The following ACTR2 variants were observed in gnomAD, a reference collection of about 807,000 sequenced individuals.
ACTR2 encodes the protein actin-related protein 2.
Under a neutral mutation model 50.2 loss-of-function variants are expected in ACTR2, and 5 were observed. That is an observed-to-expected ratio of 0.10 (90% CI 0.05 to 0.21). The LOEUF (loss-of-function observed/expected upper bound fraction) is 0.21, where lower values mean the gene tolerates loss of function less well. Among genes scored for constraint, ACTR2 ranks in the 10% least tolerant of loss-of-function variants. The probability of loss-of-function intolerance (pLI) is 1.00; values close to 1 mark genes in which losing one functional copy is unlikely to be tolerated. For synonymous variants in ACTR2, 140 were observed against 162.9 expected (o/e 0.86, Z 1.07); for missense variants, 180 against 480.6 (o/e 0.37, Z 5.85).
At chr2:65,263,029 T>C (rs76847043) in intron 7 of ACTR2, among the ~76,000 whole-genome samples, 7 of 151,084 alleles carry the variant, frequency 4.6e-5, no homozygotes, top group African/African-American at 1.7e-4. Flanking sequence ...AAACATATTT[T>C]TATATGTTTA....
chr2:65,234,606 G>T (rs913987772), intron 1 of ACTR2, among the ~76,000 whole-genome samples: 9 of 152,270 alleles, frequency 5.9e-5, no homozygotes, highest in African/African-American at 2.2e-4. Flanking sequence ...GTGATTATTT[G>T]CCACTTTGCC....
At chr2:65,247,529 A>G (rs566883459) in intron 3 of ACTR2, among the ~76,000 whole-genome samples, 8 of 152,296 alleles carry the variant, frequency 5.3e-5, no homozygotes, top group Admixed American at 6.5e-5. Context: ...CAGAGCTTGC[A>G]GTGAGTGGAG....
At position 65,265,052 on chromosome 2, in the gene ACTR2, C is replaced by G; in HGVS notation, c.891C>G (p.Phe297Leu). The G allele has an allele frequency of 6.2e-7, 1 of 1,614,170 alleles. No individual in the cohort carries two copies. Among genetic ancestry groups the G allele is most frequent in the Non-Finnish European group, 8.5e-7 (1 of 1,180,016 alleles). ...QAADIDTRSE[F>L]YKHIVLSGGS... ...CATTGTGCCTTTCTAGATCTGAATT[C>G]TACAAACACATTGTGCTTTCTGGAG... The change falls in exon 8 of 9, where the codon TTC (phenylalanine) becomes TTG (leucine). Residue 297 changes from phenylalanine (F) to leucine (L), a missense_variant. Phe to Leu is a conservative substitution (Grantham distance 22). Transcript: ENST00000260641.
chr2:65,246,243 C>A, intron 2 of ACTR2: 1 of 228,496 alleles, frequency 4.4e-6, no homozygotes, highest in Non-Finnish European at 8.5e-6. Flanking sequence ...CAAAACCCTC[C>A]AAAATATGAA....
chr2:65,267,087 AT>A (rs1237369227), intron 8 of ACTR2, among the ~76,000 whole-genome samples: 1 of 152,190 alleles, frequency 6.6e-6, no homozygotes, highest in African/African-American at 2.4e-5. Context: ...CAGTTGAGGT[AT>A]TTACAGAAGC....
chr2:65,261,060 T>G (rs1672260045), intron 6 of ACTR2, among the ~76,000 whole-genome samples, 187 bp from the exon 7 acceptor site: 1 of 151,952 alleles, frequency 6.6e-6, no homozygotes, highest in Non-Finnish European at 1.5e-5. Context: ...CAAAACAGAA[T>G]GTGATAAGAG....
chr2:65,245,234 T>C (rs1671913994), intron 2 of ACTR2, among the ~76,000 whole-genome samples: 1 of 152,090 alleles, frequency 6.6e-6, no homozygotes, highest in South Asian at 2.1e-4. Context: ...AAACATCTCA[T>C]GTTGGCCAGG....
chr2:65,234,238 CTG>C (rs1671697207), intron 1 of ACTR2, among the ~76,000 whole-genome samples: 1 of 152,110 alleles, frequency 6.6e-6, no homozygotes, highest in South Asian at 2.1e-4. Context: ...GTTATTATAA[CTG>C]TTAATGTTTT....
chr2:65,263,805 TGAGGCCGGTGAATCAC>T (rs67528260), intron 7 of ACTR2, among the ~76,000 whole-genome samples: 48,128 of 152,030 alleles, frequency 0.32, 8,295 homozygotes, highest in East Asian at 0.73. Flanking sequence ...TTTGGGAGGC[TGAGGCCGGTGAATCAC>T]GAGGCCGGCG....
chr2:65,232,515 A>G (rs1671659058), intron 1 of ACTR2, among the ~76,000 whole-genome samples: 1 of 152,244 alleles, frequency 6.6e-6, no homozygotes, highest in South Asian at 2.1e-4. Flanking sequence ...TAAGTAGAAT[A>G]AATATTTTGG....
At position 65,261,644 on chromosome 2, in the gene ACTR2, G is replaced by A. The variant is rs544788798; in HGVS notation, c.881+252G>A. On this transcript the variant is annotated intron_variant, in intron 7 of 8. Transcript: ENST00000260641. The stretch of plus-strand genomic sequence containing the variant: ...TTTTTCATTCTGTTTTTTCTGAACC[G>A]TTTGAGGGTAGATTAAATGCATCAG... Among the ~76,000 whole-genome samples the A allele has an allele frequency of 1.5e-4, 23 of 152,206 alleles. 1 individual carries two copies. In the South Asian group the frequency reaches 3.7e-3, roughly 25 times the overall value.
chr2:65,235,486 G>A (rs1468543928), intron 1 of ACTR2, among the ~76,000 whole-genome samples: 4 of 152,184 alleles, frequency 2.6e-5, no homozygotes, highest in African/African-American at 2.4e-5. Context: ...GCTGGGTGCC[G>A]TGGCTCACGC....
At chr2:65,244,233 C>G (rs577974993) in intron 2 of ACTR2, among the ~76,000 whole-genome samples, 3 of 152,192 alleles carry the variant, frequency 2.0e-5, no homozygotes, top group Admixed American at 6.5e-5. Context: ...CTGTTGAAAT[C>G]AGATCAGACT....
chr2:65,228,162 C>G (rs1481921765), intron 1 of ACTR2: 9 of 440,822 alleles, frequency 2.0e-5, no homozygotes, highest in Non-Finnish European at 3.5e-5. Context: ...AGCCTGCCAC[C>G]CCCTCACCCT....
intron 5 of ACTR2, among the ~76,000 whole-genome samples, chr2:65,254,206 C>G (rs1351021878): frequency 6.6e-6 from 1 of 152,128 alleles, no homozygotes; most frequent in Non-Finnish European, 1.5e-5. Flanking sequence ...TTGGACAGCT[C>G]AGGCAGCCTT....
chr2:65,268,595 G>A lies in ACTR2; in HGVS notation c.1046G>A (p.Arg349His), dbSNP rs1672429545. ...AAGATCCGCATTGAAGACCCACCCC[G>A]CAGAAAGCACATGGTATTCCTGGGT... ...KFKIRIEDPP[R>H]RKHMVFLGGA... The change falls in exon 9 of 9, where the codon CGC (arginine) becomes CAC (histidine). Residue 349 changes from arginine (R) to histidine (H), a missense_variant. Transcript: ENST00000260641. 3.1e-6 allele frequency: 5 copies of A among 1,613,296 alleles called. No homozygotes were observed. Among genetic ancestry groups the A allele is most frequent in the Middle Eastern group, 1.7e-4 (1 of 6,060 alleles).
intron 1 of ACTR2, among the ~76,000 whole-genome samples, chr2:65,237,538 A>G (rs545658691): frequency 6.6e-6 from 1 of 152,204 alleles, no homozygotes; most frequent in Admixed American, 6.5e-5. Context: ...CACTGGGCCC[A>G]GCGTAAACAG....
At chr2:65,262,630 T>G (rs1192003885) in intron 7 of ACTR2, among the ~76,000 whole-genome samples, 1 of 152,096 alleles carries the variant, frequency 6.6e-6, no homozygotes, top group Non-Finnish European at 1.5e-5. Context: ...GAGAAATTAT[T>G]TCAGTGTAAT....
chr2:65,248,805 G>A (rs1320668596), intron 3 of ACTR2, among the ~76,000 whole-genome samples: 1 of 152,056 alleles, frequency 6.6e-6, no homozygotes, highest in African/African-American at 2.4e-5. Flanking sequence ...CTTGAGACTA[G>A]GAATTTGAGA....
Sources: allele counts gnomAD v4.1 joint callset (sites outside exome capture counted in the v4.1 genomes callset), GRCh38; gene constraint gnomAD v4.1.1; transcripts MANE v1.5; gene names NCBI Gene and HGNC (gene_info 2026-07-23, HGNC 2026-07-21).